The following ROBO2 variants were observed in gnomAD, a reference collection of about 807,000 sequenced individuals.
ROBO2 encodes roundabout guidance receptor 2, also known as roundabout homolog 2.
In ROBO2, 53 loss-of-function variants were observed where a neutral mutation model predicts 160.8. The observed-to-expected ratio is 0.33, with a 90% CI of 0.26 to 0.41. ROBO2 has a LOEUF of 0.41. ROBO2 is among the 10% of genes least tolerant of loss of function. The probability of loss-of-function intolerance (pLI) is 1.00; values close to 1 mark genes in which losing one functional copy is unlikely to be tolerated. For synonymous variants in ROBO2, 664 were observed against 611.7 expected (o/e 1.09, Z -1.26); for missense variants, 1,577 against 1,722.4 (o/e 0.92, Z 1.49).
At chr3:76,162,992 A>G (rs1245406322) in intron 2 of ROBO2, among the ~76,000 whole-genome samples, 1 of 152,138 alleles carries the variant, frequency 6.6e-6, no homozygotes, top group Non-Finnish European at 1.5e-5. Context: ...TTACTGGGTG[A>G]CAAACTTTTG....
intron 2 of ROBO2, among the ~76,000 whole-genome samples, chr3:76,024,984 A>C (rs2066693989): frequency 6.6e-6 from 1 of 150,428 alleles, no homozygotes; most frequent in African/African-American, 2.4e-5. Flanking sequence ...ATATGCTTAA[A>C]GGAATTCTTT....
At chr3:77,221,818 A>G (rs555790104) in intron 2 of ROBO2, among the ~76,000 whole-genome samples, 85 of 152,070 alleles carry the variant, frequency 5.6e-4, no homozygotes, top group South Asian at 2.1e-3. Context: ...TTGATAGCCC[A>G]ATGGACTTTT....
At chr3:77,035,482 T>A (rs1442817878), upstream of ROBO2, among the ~76,000 whole-genome samples, 1 of 115,886 alleles carries the variant, frequency 8.6e-6, no homozygotes, top group Non-Finnish European at 1.9e-5. Context: ...AAAGATTTTC[T>A]TTCTTGAAAA....
intron 2 of ROBO2, among the ~76,000 whole-genome samples, chr3:77,168,417 C>G (rs73095866): frequency 0.39 from 59,086 of 152,008 alleles, 12,256 homozygotes; most frequent in Middle Eastern, 0.54. Flanking sequence ...TCATATTTGT[C>G]AAGTTATTCT....
At chr3:76,884,291 A>G (rs1406239361) in intron 2 of ROBO2, among the ~76,000 whole-genome samples, 1 of 152,228 alleles carries the variant, frequency 6.6e-6, no homozygotes, top group Non-Finnish European at 1.5e-5. Context: ...TTAATATTTT[A>G]TGTGGAAGTA....
intron 2 of ROBO2, among the ~76,000 whole-genome samples, chr3:76,928,027 C>T (rs993631766): frequency 1.3e-5 from 2 of 152,248 alleles, no homozygotes; most frequent in Non-Finnish European, 2.9e-5. Flanking sequence ...TAATCCTCAG[C>T]GTCTGTGAGT....
At chr3:76,213,589 T>A (rs1463905730) in intron 2 of ROBO2, among the ~76,000 whole-genome samples, 2 of 152,160 alleles carry the variant, frequency 1.3e-5, no homozygotes, top group Non-Finnish European at 2.9e-5. Flanking sequence ...TATTTTTAAA[T>A]AAAGTACTAA....
At chr3:76,200,003 C>T (rs751072167) in intron 2 of ROBO2, among the ~76,000 whole-genome samples, 3 of 152,094 alleles carry the variant, frequency 2.0e-5, no homozygotes, top group Non-Finnish European at 4.4e-5. Context: ...TTTATTTCCA[C>T]TATAGGAGAG....
At chr3:76,690,322 G>A (rs576913434) in intron 2 of ROBO2, among the ~76,000 whole-genome samples, 57 of 152,142 alleles carry the variant, frequency 3.7e-4, no homozygotes, top group East Asian at 3.5e-3. Flanking sequence ...CAATGTTATC[G>A]TATTAAGACA....
At chr3:76,864,144 T>A (rs1473087271) in intron 2 of ROBO2, among the ~76,000 whole-genome samples, 1 of 152,084 alleles carries the variant, frequency 6.6e-6, no homozygotes, top group Non-Finnish European at 1.5e-5. Context: ...CCACAGATTT[T>A]AAAAAATTAT....
chr3:76,963,865 A>G (rs1456478080), intron 2 of ROBO2, among the ~76,000 whole-genome samples: 26 of 151,270 alleles, frequency 1.7e-4, no homozygotes, highest in Non-Finnish European at 5.9e-5. Flanking sequence ...AAAAGAAAAA[A>G]GAAATAAAAA....
chr3:76,304,589 C>A (rs1056286644), intron 2 of ROBO2, among the ~76,000 whole-genome samples: 8 of 152,106 alleles, frequency 5.3e-5, no homozygotes, highest in Admixed American at 2.6e-4. Flanking sequence ...AACAATAGTG[C>A]AGCCTGTAGT....
At chr3:76,110,765 A>T (rs2070192201) in intron 2 of ROBO2, among the ~76,000 whole-genome samples, 1 of 152,164 alleles carries the variant, frequency 6.6e-6, no homozygotes, top group African/African-American at 2.4e-5. Context: ...GTATTAAGAA[A>T]TGAAGAATGA....
chr3:77,192,983 T>C (rs1462132875), intron 2 of ROBO2, among the ~76,000 whole-genome samples: 1 of 152,028 alleles, frequency 6.6e-6, no homozygotes, highest in Non-Finnish European at 1.5e-5. Context: ...TATACTGTGC[T>C]TTACAAATAT....
rs1417297878 is a variant in ROBO2 at position 76,813,381 on chromosome 3, A to G, written c.110-284633A>G. On this transcript the variant is annotated intron_variant, in intron 2 of 26. Coordinates refer to the ROBO2 transcript ENST00000487694. ...GATTGATTCCTTTAATCATCAGATAATTTTGTCTATAATTGTTTTGCCCAT... is the reference window on the plus strand; with the variant it reads ...GATTGATTCCTTTAATCATCAGATAGTTTTGTCTATAATTGTTTTGCCCAT... Among the ~76,000 whole-genome samples the G allele has an allele frequency of 2.6e-5, 4 of 152,170 alleles. No homozygotes were observed. In the East Asian group the frequency reaches 7.7e-4, roughly 29 times the overall value.
intron 6 of ROBO2, among the ~76,000 whole-genome samples, chr3:77,541,475 T>C (rs1441037771): frequency 6.6e-6 from 1 of 152,210 alleles, no homozygotes; most frequent in Non-Finnish European, 1.5e-5. Context: ...AGAAATCAAA[T>C]CTAATTTACT....
At chr3:75,913,372 G>T (rs1191646527) in intron 1 of ROBO2, among the ~76,000 whole-genome samples, 2 of 152,122 alleles carry the variant, frequency 1.3e-5, no homozygotes, top group Non-Finnish European at 2.9e-5. Flanking sequence ...TGGAGATTAG[G>T]CCAAGAACAT....
chr3:77,133,472 TGA>T (rs2076023732), intron 2 of ROBO2, among the ~76,000 whole-genome samples: 1 of 152,186 alleles, frequency 6.6e-6, no homozygotes, highest in Non-Finnish European at 1.5e-5. Flanking sequence ...AAAGAAATCT[TGA>T]CATTATATTT....
chr3:76,478,107 A>T (rs2079023167), intron 2 of ROBO2, among the ~76,000 whole-genome samples: 1 of 150,522 alleles, frequency 6.6e-6, no homozygotes, highest in South Asian at 2.1e-4. Context: ...TACATGTGCC[A>T]TGCTGGTGTG....
Sources: allele counts gnomAD v4.1 joint callset (sites outside exome capture counted in the v4.1 genomes callset), GRCh38; gene constraint gnomAD v4.1.1; transcripts MANE v1.5; gene names NCBI Gene and HGNC (gene_info 2026-07-23, HGNC 2026-07-21).